GTPBP10: variants seen among roughly 807,000 people sequenced by gnomAD.
GTPBP10 encodes the protein GTP binding protein 10, also known as GTP-binding protein 10.
GTPBP10 carries 38 observed loss-of-function variants against 44.8 expected under a neutral mutation model. That is an observed-to-expected ratio of 0.85 (90% CI 0.65 to 1.11). GTPBP10 has a LOEUF of 1.11. Ranked by LOEUF, GTPBP10 falls within the 50% of genes most tolerant of loss-of-function variation. The probability of loss-of-function intolerance (pLI) is 0.00; values close to 1 mark genes in which losing one functional copy is unlikely to be tolerated. For synonymous variants in GTPBP10, 152 were observed against 150.6 expected (o/e 1.01, Z -0.07); for missense variants, 462 against 453.7 (o/e 1.02, Z -0.17).
In GTPBP10 at chr7:90,389,546, C is replaced by G. The variant is rs1292911942; in HGVS notation, c.*4392C>G. ...GGATTACAGGCATCCACCACCACGT[C>G]CAGCTAATTTTTGTATTTTTAGTAG... On this transcript the variant is annotated 3_prime_UTR_variant, in exon 10 of 10. Coordinates refer to ENST00000222511, the MANE Select transcript of GTPBP10 (RefSeq NM_033107.4). 6.6e-6 allele frequency: 1 copy of G among 151,968 alleles called. No homozygotes were observed. Among genetic ancestry groups the G allele is most frequent in the Non-Finnish European group, 1.5e-5 (1 of 68,006 alleles). 9.4% of individuals were successfully genotyped at this position (151,968 alleles called of 1,614,324 possible).
chr7:90,377,383 A>G (rs1453598395), intron 6 of GTPBP10, 124 bp from the exon 7 acceptor site: 3 of 572,534 alleles, frequency 5.2e-6, no homozygotes, highest in Non-Finnish European at 6.2e-6. Flanking sequence ...CTTTTCAAAG[A>G]TGTAGTGGTA....
chr7:90,370,780 C>A (rs1477784061), intron 4 of GTPBP10, among the ~76,000 whole-genome samples: 1 of 152,068 alleles, frequency 6.6e-6, no homozygotes, highest in African/African-American at 2.4e-5. Context: ...CCAAGGTGGG[C>A]AGATCACGAG....
At chr7:90,367,468 A>G (rs1448666467) in intron 4 of GTPBP10, among the ~76,000 whole-genome samples, 1 of 152,140 alleles carries the variant, frequency 6.6e-6, no homozygotes, top group Non-Finnish European at 1.5e-5. Flanking sequence ...GTGCTTTTGT[A>G]TTGGGTGCAT....
At chr7:90,380,142 A>C (rs1796411556) in intron 8 of GTPBP10, among the ~76,000 whole-genome samples, 1 of 141,156 alleles carries the variant, frequency 7.1e-6, no homozygotes, top group Non-Finnish European at 1.5e-5. Flanking sequence ...GCGGTGGCAC[A>C]GTCTCGGCTT....
At chr7:90,362,267 T>G (rs1267551467) in intron 4 of GTPBP10, among the ~76,000 whole-genome samples, 3 of 152,196 alleles carry the variant, frequency 2.0e-5, no homozygotes, top group Non-Finnish European at 4.4e-5. Flanking sequence ...CTTGTGGGCA[T>G]TTAGTGCTAT....
chr7:90,383,561 CT>C (rs1796469055), intron 9 of GTPBP10, among the ~76,000 whole-genome samples: 1 of 152,146 alleles, frequency 6.6e-6, no homozygotes, highest in African/African-American at 2.4e-5. Context: ...CTGAAAAGAA[CT>C]TCATTTTTCC....
chr7:90,388,205 A>G lies in GTPBP10; in HGVS notation c.*3051A>G, dbSNP rs962899736. The G allele has an allele frequency of 3.3e-5, 5 of 152,228 alleles. No homozygotes were observed. Among genetic ancestry groups the G allele is most frequent in the Non-Finnish European group, 7.3e-5 (5 of 68,044 alleles). The allele number at this position is 152,228 out of a possible 1,614,324, so 9.4% of individuals were successfully genotyped here. ...ATCAGATTCCTTTTTTATCTTATAA[A>G]AAATAATTTTGAAACAAAGACTTAT... is the stretch of plus-strand genomic sequence containing the variant. On this transcript the variant is annotated 3_prime_UTR_variant, in exon 10 of 10. Transcript: ENST00000222511.
intron 4 of GTPBP10, among the ~76,000 whole-genome samples, chr7:90,370,721 A>C (rs1348908838): frequency 6.6e-6 from 1 of 152,134 alleles, no homozygotes; most frequent in Non-Finnish European, 1.5e-5. Context: ...ATTAAAAGAA[A>C]TAGGTCGGAC....
chr7:90,352,871 T>C lies in GTPBP10; in HGVS notation c.89T>C (p.Met30Thr), dbSNP rs745342464. ...RLFTRGGSGG[M>T]GYPRLGGEGG... ...TTCACCAGGGGAGGATCCGGTGGAA[T>C]GGGTTATCCTCGTTTAGGTGGAGAA... Residue 30 changes from methionine (M) to threonine (T), a missense_variant, in exon 2 of 10, where the codon ATG becomes ACG. Transcript: ENST00000222511. 1.2e-6 allele frequency: 2 copies of C among 1,613,902 alleles called. No individual in the cohort carries two copies. The highest frequency in any genetic ancestry group is 2.2e-5 in the South Asian group (2 of 91,064).
chr7:90,354,667 C>G, intron 3 of GTPBP10, 118 bp downstream of exon 3: 1 of 540,998 alleles, frequency 1.8e-6, no homozygotes, highest in South Asian at 3.0e-5. Context: ...AGCTACTATT[C>G]TATAAGAGAG....
At chr7:90,351,190 G>T (rs1795783848) in intron 1 of GTPBP10, among the ~76,000 whole-genome samples, 1 of 152,156 alleles carries the variant, frequency 6.6e-6, no homozygotes. Flanking sequence ...ATTTAATACT[G>T]CATTTTTACA....
intron 4 of GTPBP10, among the ~76,000 whole-genome samples, chr7:90,366,452 A>T (rs1262425322): frequency 6.6e-6 from 1 of 152,142 alleles, no homozygotes; most frequent in Admixed American, 6.5e-5. Flanking sequence ...CCTCATTTTC[A>T]GGACCTGTTA....
rs371725356 is a variant in GTPBP10 at position 90,378,221 on chromosome 7, C to G, written c.777+10C>G. 1.9e-6 allele frequency: 3 copies of G among 1,605,484 alleles called. No homozygotes were observed. Among genetic ancestry groups the G allele is most frequent in the Non-Finnish European group, 2.6e-6 (3 of 1,173,536 alleles). On this transcript the variant is annotated intron_variant, in intron 8 of 9. Coordinates refer to ENST00000222511, the MANE Select transcript of GTPBP10 (RefSeq NM_033107.4). ...AATACTGCTTACAAAAGTAGGTTTT[C>G]TGTTTTACTGTGTTCTGTATTTGGT...
intron 4 of GTPBP10, among the ~76,000 whole-genome samples, chr7:90,365,368 C>CTTTTTTTTTT (rs59645149): frequency 1.4e-4 from 13 of 90,364 alleles, no homozygotes; most frequent in Admixed American, 5.6e-4. Flanking sequence ...TTGGGGTTTT[C>CTTTTTTTTTT]TTTTTTTTTT....
At chr7:90,367,670 G>T (rs924367256) in intron 4 of GTPBP10, among the ~76,000 whole-genome samples, 4 of 152,166 alleles carry the variant, frequency 2.6e-5, no homozygotes, top group African/African-American at 9.7e-5. Flanking sequence ...GAGCCTGTGT[G>T]TGTCTTTGCA....
intron 7 of GTPBP10, 37 bp from the exon 8 acceptor site, chr7:90,378,097 A>T: frequency 6.3e-7 from 1 of 1,575,750 alleles, no homozygotes; most frequent in Non-Finnish European, 8.7e-7. Context: ...TATTCTTCGT[A>T]TGTTAAAGGC....
intron 4 of GTPBP10, among the ~76,000 whole-genome samples, chr7:90,356,809 A>G (rs1271740268): frequency 6.6e-6 from 1 of 152,186 alleles, no homozygotes; most frequent in African/African-American, 2.4e-5. Flanking sequence ...CGTTCAATGA[A>G]TTGTAGCTGC....
rs1175800255 is a variant in GTPBP10, at chr7:90,384,876, G to T, written c.902-16G>T. On this transcript the variant is annotated splice_polypyrimidine_tract_variant and intron_variant, in intron 9 of 9. Transcript: ENST00000222511. ...AAAACAATGGAAATCAGCTTTGTTT[G>T]TGCTCTTTCTTTTAGATTTTCTGCA... The T allele has an allele frequency of 2.5e-6, 4 of 1,580,154 alleles. No homozygotes were observed. The highest frequency in any genetic ancestry group is 1.4e-5 in the African/African-American group (1 of 73,354).
At chr7:90,365,558 A>G in intron 4 of GTPBP10, among the ~76,000 whole-genome samples, 1 of 150,478 alleles carries the variant, frequency 6.6e-6, no homozygotes, top group Admixed American at 6.6e-5. Context: ...TTGTATTTTT[A>G]GTAGAGACGG....
Sources: allele counts gnomAD v4.1 joint callset (sites outside exome capture counted in the v4.1 genomes callset), GRCh38; gene constraint gnomAD v4.1.1; transcripts MANE v1.5; gene names NCBI Gene and HGNC (gene_info 2026-07-23, HGNC 2026-07-21).